Variants in PCDHA4 observed in about 807,000 individuals in gnomAD.
PCDHA4 encodes protocadherin alpha-4.
A neutral mutation model predicts 61.4 loss-of-function variants in PCDHA4; 49 were observed. That is an observed-to-expected ratio of 0.80 (90% CI 0.63 to 1.01). The LOEUF (loss-of-function observed/expected upper bound fraction) is 1.01. PCDHA4 is among the 50% of genes least tolerant of loss of function. PCDHA4 has a pLI of 0.00. For synonymous variants in PCDHA4, 590 were observed against 550.3 expected, an observed-to-expected ratio of 1.07 and a Z score of -1.01; for missense variants, 1,254 against 1,235.8, an observed-to-expected ratio of 1.01 and a Z score of -0.22.
rs2150162331 is a variant in PCDHA4, at chr5:140,829,080, T to C, written c.2385+19508T>C. ...GCCACGGACAAAGGCCATCCTCCCA[T>C]GGCGGGTCATTGCACCGTTTTAGTG... On this transcript the variant is annotated intron_variant, in intron 1 of 3. Coordinates refer to ENST00000530339, the MANE Select transcript of PCDHA4 (RefSeq NM_018907.4). 15 of 1,611,842 alleles carry C rather than the reference T, an allele frequency of 9.3e-6. No homozygotes were observed. In the African/African-American group the frequency reaches 2.0e-4, roughly 22 times the overall value.
rs1375080438 is a variant in PCDHA4, at chr5:140,807,601, G to T, written c.414G>T (p.Lys138Asn). 3 of 1,614,072 alleles carry T rather than the reference G, an allele frequency of 1.9e-6. No individual in the cohort carries two copies. The African/African-American group carries it at 4.0e-5, about 22-fold the overall frequency. ...CGCCGGTGTTCCCAGCAACACAAAA[G>T]AACCTGTCCATCGCGGAATCCAGGC... ...DNPPVFPATQ[K>N]NLSIAESRPL... The change falls in exon 1 of 4, where the codon AAG (lysine) becomes AAT (asparagine). Residue 138 changes from lysine to asparagine, a missense_variant. Coordinates refer to ENST00000530339, the MANE Select transcript of PCDHA4 (RefSeq NM_018907.4).
chr5:140,873,706 G>T (rs1419666886), intron 1 of PCDHA4, among the ~76,000 whole-genome samples: 1 of 152,132 alleles, frequency 6.6e-6, no homozygotes, highest in Non-Finnish European at 1.5e-5. Context: ...TATCACCCAG[G>T]CTGGTGTGCA....
intron 1 of PCDHA4, chr5:140,812,147 T>TTGTTGTTGTTG (rs1765043043): frequency 6.6e-6 from 1 of 150,790 alleles, no homozygotes; most frequent in Admixed American, 6.6e-5. Flanking sequence ...GTTTTGGGCT[T>TTGTTGTTGTTG]TTGTTGTTGT....
rs2150490057 is a variant in PCDHA4, at chr5:140,850,579, A to G, written c.2385+41007A>G. On this transcript the variant is annotated intron_variant, in intron 1 of 3. Transcript: ENST00000530339. ...ACGGGCCCCGAGGTGACGCTGGTGG[A>G]TGTCAACGTGTACCTGATCATCGCC... 24 of 1,598,000 alleles carry G rather than the reference A, an allele frequency of 1.5e-5. 1 individual carries two copies. The East Asian group carries it at 3.6e-4, about 24-fold the overall frequency.
intron 1 of PCDHA4, among the ~76,000 whole-genome samples, chr5:140,874,129 G>A (rs1400596915): frequency 6.6e-6 from 1 of 151,518 alleles, no homozygotes; most frequent in African/African-American, 2.5e-5. Context: ...GTTTATTTAA[G>A]TTATCTTATA....
chr5:140,883,557 G>C, intron 1 of PCDHA4: 1 of 1,614,214 alleles, frequency 6.2e-7, no homozygotes, highest in Non-Finnish European at 8.5e-7. Flanking sequence ...GCGCGGGACG[G>C]GGGCTCGCCT....
intron 3 of PCDHA4, among the ~76,000 whole-genome samples, chr5:141,007,475 C>G (rs575810038): frequency 1.3e-5 from 2 of 151,322 alleles, no homozygotes; most frequent in Non-Finnish European, 2.9e-5. Context: ...GGCTGAGGCA[C>G]GAGAATTACT....
intron 1 of PCDHA4, chr5:140,870,179 G>T (rs184228916): frequency 2.5e-6 from 4 of 1,613,986 alleles, no homozygotes; most frequent in African/African-American, 2.7e-5. Context: ...CTCCCAGTAC[G>T]AGAGGACGCT....
chr5:140,812,146 T>TG (rs1554125912), intron 1 of PCDHA4: 1 of 136,714 alleles, frequency 7.3e-6, no homozygotes, highest in Admixed American at 7.5e-5. Context: ...GGTTTTGGGC[T>TG]TTTGTTGTTG....
chr5:141,001,694 C>A (rs2098032582), intron 3 of PCDHA4, among the ~76,000 whole-genome samples: 1 of 151,662 alleles, frequency 6.6e-6, no homozygotes, highest in African/African-American at 2.4e-5. Flanking sequence ...CCACAGATGG[C>A]GAAATAGGGG....
chr5:140,862,825 C>T (rs782012901), intron 1 of PCDHA4: 2 of 572,056 alleles, frequency 3.5e-6, no homozygotes, highest in Non-Finnish European at 6.7e-6. Context: ...GGTGAGAGCG[C>T]GCGACGCGGG....
chr5:140,861,591 A>G, intron 1 of PCDHA4: 1 of 374,610 alleles, frequency 2.7e-6, no homozygotes, highest in South Asian at 2.5e-5. Context: ...TGTGGAGGTG[A>G]AAGTGAAGAA....
chr5:140,962,047 C>T (rs1288087343), intron 1 of PCDHA4, among the ~76,000 whole-genome samples: 2 of 151,982 alleles, frequency 1.3e-5, no homozygotes, highest in South Asian at 2.1e-4. Context: ...CCATGCCTGG[C>T]TAATTTTTTT....
intron 1 of PCDHA4, chr5:140,823,968 C>T (rs2150130951): frequency 1.2e-6 from 2 of 1,614,054 alleles, no homozygotes; most frequent in East Asian, 2.2e-5. Context: ...AGGCCGTGTG[C>T]ACACGGGGCA....
chr5:140,967,503 G>A (rs369053625), intron 1 of PCDHA4: 14 of 1,612,820 alleles, frequency 8.7e-6, no homozygotes, highest in African/African-American at 2.7e-5. Flanking sequence ...ATCTCTGTGC[G>A]TGTCCTGGAC....
intron 1 of PCDHA4, chr5:140,967,277 A>G: frequency 6.2e-7 from 1 of 1,613,326 alleles, no homozygotes; most frequent in African/African-American, 1.3e-5. Context: ...TCACATAGAG[A>G]GTGCGCAGGA....
intron 3 of PCDHA4, among the ~76,000 whole-genome samples, chr5:141,008,870 C>G (rs539100133): frequency 1.4e-4 from 22 of 152,126 alleles, no homozygotes; most frequent in Non-Finnish European, 7.3e-5. Flanking sequence ...ATGCTGCATC[C>G]CACCACCCTT....
At chr5:140,966,655 G>C in intron 1 of PCDHA4, 1 of 1,195,250 alleles carries the variant, frequency 8.4e-7, no homozygotes, top group South Asian at 2.0e-5. Context: ...CGTGAGCGGT[G>C]GGGGAGCAGG....
In PCDHA4 at chr5:140,884,106, T is replaced by C; in HGVS notation, c.2385+74534T>C. 1 of 1,613,420 alleles carries C rather than the reference T, an allele frequency of 6.2e-7. No individual in the cohort carries two copies. The highest frequency in any genetic ancestry group is 8.5e-7 in the Non-Finnish European group (1 of 1,179,712). On this transcript the variant is annotated intron_variant, in intron 1 of 3. Transcript: ENST00000530339. ...GCGTGGCTTTCGTATGAATTGCAGC[T>C]GGCGGCGGTCGGCGCGCGCATCCCG...
Sources: allele counts gnomAD v4.1 joint callset (sites outside exome capture counted in the v4.1 genomes callset), GRCh38; gene constraint gnomAD v4.1.1; transcripts MANE v1.5; gene names NCBI Gene and HGNC (gene_info 2026-07-23, HGNC 2026-07-21).